DRC8: variants seen among roughly 807,000 people sequenced by gnomAD.
DRC8 encodes the protein dynein regulatory complex protein 8.
At chr1:244,978,532 C>T in the DRC8 span, among the ~76,000 whole-genome samples, 5 of 152,122 alleles carry the variant, frequency 3.3e-5, no homozygotes, top group Non-Finnish European at 7.4e-5. Context: ...CTCTGTCACC[C>T]TGGCTGGGGT....
chr1:244,988,810 A>C, the DRC8 span, among the ~76,000 whole-genome samples: 491 of 152,348 alleles, frequency 3.2e-3, 1 homozygote, highest in African/African-American at 0.011. Context: ...ACTTTGATTG[A>C]ATATTCCTAT....
chr1:245,111,545 G>A, the DRC8 span, among the ~76,000 whole-genome samples: 8 of 152,322 alleles, frequency 5.3e-5, no homozygotes, highest in South Asian at 1.7e-3. Flanking sequence ...TGGCTTCTTT[G>A]TTTCCTCTTG....
the DRC8 span, among the ~76,000 whole-genome samples, chr1:245,026,523 A>G: frequency 1.3e-5 from 2 of 152,216 alleles, no homozygotes; most frequent in African/African-American, 4.8e-5. Context: ...TATCTGAGAA[A>G]GCTGGAAGCT....
the DRC8 span, among the ~76,000 whole-genome samples, chr1:245,112,990 G>A: frequency 6.6e-6 from 1 of 152,194 alleles, no homozygotes; most frequent in Non-Finnish European, 1.5e-5. Flanking sequence ...CTGACCTCAA[G>A]TGATCCACCT....
chr1:245,056,475 C>T, the DRC8 span, among the ~76,000 whole-genome samples: 4 of 152,206 alleles, frequency 2.6e-5, no homozygotes, highest in African/African-American at 9.6e-5. Flanking sequence ...GCTGACACAG[C>T]ACAGTGGAAT....
At chr1:245,075,242 A>C in the DRC8 span, among the ~76,000 whole-genome samples, 1 of 152,194 alleles carries the variant, frequency 6.6e-6, no homozygotes, top group Non-Finnish European at 1.5e-5. Context: ...TCCCGTCAAA[A>C]CACCTGCCGG....
At chr1:245,117,476 C>CTGCAGTGGTGCAA in the DRC8 span, among the ~76,000 whole-genome samples, 2 of 152,046 alleles carry the variant, frequency 1.3e-5, no homozygotes, top group Non-Finnish European at 2.9e-5. Flanking sequence ...CCAGGCTGGA[C>CTGCAGTGGTGCAA]TGCAGTGGTG....
the DRC8 span, among the ~76,000 whole-genome samples, chr1:245,014,252 A>C: frequency 6.6e-6 from 1 of 152,158 alleles, no homozygotes; most frequent in Non-Finnish European, 1.5e-5. Context: ...ACTTCGACAT[A>C]GGGTTAAGTC....
the DRC8 span, among the ~76,000 whole-genome samples, chr1:245,046,368 T>C: frequency 1.3e-5 from 2 of 151,970 alleles, no homozygotes; most frequent in African/African-American, 4.9e-5. Flanking sequence ...GCCTCATATT[T>C]TCCTGACCTG....
the DRC8 span, among the ~76,000 whole-genome samples, chr1:245,106,882 A>G: frequency 1.3e-5 from 2 of 152,262 alleles, no homozygotes; most frequent in East Asian, 1.9e-4. Flanking sequence ...CGTCTCTACT[A>G]AAAATACAAA....
At chr1:245,019,100 C>T in the DRC8 span, among the ~76,000 whole-genome samples, 3 of 152,212 alleles carry the variant, frequency 2.0e-5, no homozygotes, top group Admixed American at 1.3e-4. Context: ...TAAAAGAAAA[C>T]GTGTTTATGG....
chr1:245,091,018 T>C, the DRC8 span: 2 of 152,318 alleles, frequency 1.3e-5, no homozygotes, highest in Admixed American at 6.5e-5. Flanking sequence ...AGATCATTTT[T>C]TTCCCCAGGA....
the DRC8 span, among the ~76,000 whole-genome samples, chr1:244,990,531 G>A: frequency 0.015 from 2,231 of 152,166 alleles, 44 homozygotes; most frequent in African/African-American, 0.051. Context: ...TATACTTTGG[G>A]TTATGAGCCA....
chr1:245,097,461 T>A, the DRC8 span, among the ~76,000 whole-genome samples: 5 of 151,784 alleles, frequency 3.3e-5, no homozygotes, highest in East Asian at 9.7e-4. The surrounding 1 kb of genome is among the most constrained non-coding windows in gnomAD (Gnocchi z 5.0). Flanking sequence ...GAGGCTGCAG[T>A]GAGCTGAGAT....
the DRC8 span, among the ~76,000 whole-genome samples, chr1:245,016,399 C>T: frequency 6.6e-6 from 1 of 152,152 alleles, no homozygotes; most frequent in African/African-American, 2.4e-5. Flanking sequence ...TGGTTCCTTC[C>T]CCTCCTTCAG....
At chr1:245,124,851 T>C in the DRC8 span, 1 of 152,264 alleles carries the variant, frequency 6.6e-6, no homozygotes, top group East Asian at 1.9e-4. Context: ...CACACTCCAG[T>C]CTCCACTCCC....
At chr1:245,051,648 G>A in the DRC8 span, among the ~76,000 whole-genome samples, 1 of 152,194 alleles carries the variant, frequency 6.6e-6, no homozygotes, top group Non-Finnish European at 1.5e-5. Context: ...TTTAGAAGAA[G>A]TGTTGTGATT....
chr1:244,996,819 C>T, the DRC8 span, among the ~76,000 whole-genome samples: 12 of 152,298 alleles, frequency 7.9e-5, no homozygotes, highest in South Asian at 2.3e-3. Flanking sequence ...GTGGACACCT[C>T]TGCTCAACTG....
At chr1:245,008,796 G>A in the DRC8 span, among the ~76,000 whole-genome samples, 1 of 151,604 alleles carries the variant, frequency 6.6e-6, no homozygotes, top group East Asian at 1.9e-4. Context: ...AGCCTCCCGA[G>A]TAGTTGGGAC....
Sources: allele counts gnomAD v4.1 joint callset (sites outside exome capture counted in the v4.1 genomes callset), GRCh38; gene constraint gnomAD v4.1.1; non-coding constraint Gnocchi (gnomAD v3.1); transcripts MANE v1.5; gene names NCBI Gene and HGNC (gene_info 2026-07-23, HGNC 2026-07-21).